Variants in PLCL1 observed in about 807,000 individuals in gnomAD.
PLCL1 encodes inactive phospholipase C-like protein 1.
In PLCL1, 41 loss-of-function variants were observed where a neutral mutation model predicts 84.4. That is an observed-to-expected ratio of 0.49 (90% CI 0.38 to 0.63). The LOEUF is 0.63. PLCL1 is among the 30% of genes least tolerant of loss of function. PLCL1 has a pLI of 0.00. For synonymous variants in PLCL1, 490 were observed against 488.3 expected (o/e 1.00, Z -0.05); for missense variants, 1,206 against 1,367.8 (o/e 0.88, Z 1.87).
Position 198,147,930 on chromosome 2 carries a change from T to G in PLCL1, c.*968T>G, listed in dbSNP as rs957068830. Reference sequence around the variant, plus strand: ...CTAAATTTAAATTTAAAGATATTGTTCAAACAATATCATATCATCACATTG... The same window carrying G: ...CTAAATTTAAATTTAAAGATATTGTGCAAACAATATCATATCATCACATTG... On this transcript the variant is annotated 3_prime_UTR_variant, in exon 6 of 6. Transcript: ENST00000428675. 15 of 152,306 alleles carry G rather than the reference T, an allele frequency of 9.8e-5. No homozygotes were observed. Among genetic ancestry groups the G allele is most frequent in the Admixed American group, 9.8e-4 (15 of 15,270 alleles). The allele number at this position is 152,306 out of a possible 1,614,324, so 9.4% of individuals were successfully genotyped here.
At position 198,090,736 on chromosome 2, in the gene PLCL1, G is replaced by A. The variant is rs1693006541; in HGVS notation, c.2919+1675G>A. Among the ~76,000 whole-genome samples the A allele has an allele frequency of 4.6e-5, 7 of 152,198 alleles. No homozygotes were observed. In the South Asian group the frequency reaches 1.5e-3, roughly 32 times the overall value. ...ATTGCCATCTAAGAGGTGAAATTAG[G>A]GTACTAGTTGCCATAGAGACAGACA... On this transcript the variant is annotated intron_variant, in intron 3 of 5. Coordinates refer to ENST00000428675, the MANE Select transcript of PLCL1 (RefSeq NM_006226.4).
Position 198,001,308 on chromosome 2 carries a change from A to C in PLCL1, c.241-82450A>C, listed in dbSNP as rs148869172. ...AGGGATTTTTTTTGTTTGCTTAGTT[A>C]TTTCAACGTAAGCTTTCTATTGAGG... On this transcript the variant is annotated intron_variant, in intron 1 of 5. Coordinates refer to ENST00000428675, the MANE Select transcript of PLCL1 (RefSeq NM_006226.4). Among the ~76,000 whole-genome samples, 5 of 152,228 alleles carry C rather than the reference A, an allele frequency of 3.3e-5. 1 individual carries two copies. In the South Asian group the frequency reaches 1.0e-3, roughly 32 times the overall value.
chr2:198,032,073 G>C (rs1691441142), intron 1 of PLCL1, among the ~76,000 whole-genome samples: 1 of 152,018 alleles, frequency 6.6e-6, no homozygotes, highest in Admixed American at 6.6e-5. Context: ...TTGATTCTCT[G>C]TTTTGGAAAA....
chr2:197,960,608 G>T (rs1689597148), intron 1 of PLCL1, among the ~76,000 whole-genome samples: 1 of 152,088 alleles, frequency 6.6e-6, no homozygotes, highest in Admixed American at 6.6e-5. Flanking sequence ...ACACTGTATA[G>T]TCTGAAAGCT....
intron 1 of PLCL1, among the ~76,000 whole-genome samples, chr2:197,912,920 G>A (rs1465939412): frequency 6.9e-6 from 1 of 145,692 alleles, no homozygotes; most frequent in Non-Finnish European, 1.5e-5. Flanking sequence ...CCTGCACAAT[G>A]TGCACATGTA....
At chr2:198,062,001 G>A (rs1307083983) in intron 1 of PLCL1, among the ~76,000 whole-genome samples, 2 of 152,154 alleles carry the variant, frequency 1.3e-5, no homozygotes, top group Non-Finnish European at 2.9e-5. Flanking sequence ...GTCTAGCACG[G>A]CAGTGGTTGG....
chr2:198,071,639 ATTTG>A (rs1378222539), intron 1 of PLCL1, among the ~76,000 whole-genome samples: 2 of 151,826 alleles, frequency 1.3e-5, no homozygotes, highest in Non-Finnish European at 3.0e-5. Context: ...CTTTTCCAAA[ATTTG>A]TTTGTGAACA....
chr2:197,859,954 A>G (rs1687398306), intron 1 of PLCL1, among the ~76,000 whole-genome samples: 1 of 152,056 alleles, frequency 6.6e-6, no homozygotes. Context: ...GGTTTGTTGT[A>G]TAGATTATTT....
intron 1 of PLCL1, among the ~76,000 whole-genome samples, chr2:197,993,278 C>G (rs1398260668): frequency 6.6e-6 from 1 of 152,114 alleles, no homozygotes; most frequent in Non-Finnish European, 1.5e-5. Flanking sequence ...AGCATTTTTT[C>G]ATGTGCTTTT....
chr2:197,858,430 T>G (rs1185301351), intron 1 of PLCL1, among the ~76,000 whole-genome samples: 3 of 152,218 alleles, frequency 2.0e-5, no homozygotes, highest in African/African-American at 7.2e-5. Context: ...GTCTCCATTC[T>G]GATTTTTCCT....
intron 5 of PLCL1, among the ~76,000 whole-genome samples, chr2:198,114,074 A>G (rs1216053989): frequency 6.6e-6 from 1 of 151,928 alleles, no homozygotes; most frequent in African/African-American, 2.4e-5. Flanking sequence ...TTTTTGAAGT[A>G]TAATTGATGC....
intron 5 of PLCL1, among the ~76,000 whole-genome samples, chr2:198,124,755 T>C (rs1026639569): frequency 6.6e-6 from 1 of 152,102 alleles, no homozygotes; most frequent in Non-Finnish European, 1.5e-5. Flanking sequence ...TTATGGGAGA[T>C]ACAGATGTTA....
intron 1 of PLCL1, among the ~76,000 whole-genome samples, chr2:197,918,776 A>G (rs1026955331): frequency 2.0e-5 from 3 of 152,060 alleles, no homozygotes; most frequent in African/African-American, 4.8e-5. Flanking sequence ...ATCCCAAAAA[A>G]CAAAAAACGA....
chr2:197,866,608 C>T (rs1687550768), intron 1 of PLCL1, among the ~76,000 whole-genome samples: 1 of 152,062 alleles, frequency 6.6e-6, no homozygotes, highest in Admixed American at 6.6e-5. Flanking sequence ...TTTCCAGCAG[C>T]CCTCATCTAA....
At chr2:198,033,428 T>C (rs558871123) in intron 1 of PLCL1, among the ~76,000 whole-genome samples, 5 of 152,298 alleles carry the variant, frequency 3.3e-5, no homozygotes, top group African/African-American at 7.2e-5. Context: ...GAGTGCTCCA[T>C]GTGAGGGTAC....
intron 1 of PLCL1, among the ~76,000 whole-genome samples, chr2:198,016,260 G>C (rs1027677486): frequency 2.6e-5 from 4 of 152,284 alleles, no homozygotes; most frequent in African/African-American, 9.6e-5. Context: ...CAGGTTGGAA[G>C]AAGAGTAAAA....
At chr2:197,951,966 G>A (rs1249190529) in intron 1 of PLCL1, among the ~76,000 whole-genome samples, 3 of 152,118 alleles carry the variant, frequency 2.0e-5, no homozygotes, top group African/African-American at 7.2e-5. Context: ...TTGATTAGCA[G>A]GACAGTTGTC....
intron 1 of PLCL1, among the ~76,000 whole-genome samples, chr2:198,044,001 C>T (rs1033861182): frequency 6.6e-6 from 1 of 151,234 alleles, no homozygotes; most frequent in African/African-American, 2.4e-5. Context: ...TTCTTTCCTC[C>T]CAGTTTTCAC....
At chr2:197,923,922 A>C (rs901029689) in intron 1 of PLCL1, among the ~76,000 whole-genome samples, 10 of 151,620 alleles carry the variant, frequency 6.6e-5, no homozygotes, top group Admixed American at 2.6e-4. Flanking sequence ...TCGGGAGGCC[A>C]AGGCTGGCGG....
Sources: allele counts gnomAD v4.1 joint callset (sites outside exome capture counted in the v4.1 genomes callset), GRCh38; gene constraint gnomAD v4.1.1; transcripts MANE v1.5; gene names NCBI Gene and HGNC (gene_info 2026-07-23, HGNC 2026-07-21).